The following TAF15 variants were observed in gnomAD, a reference collection of about 807,000 sequenced individuals.
TAF15 encodes TATA-binding protein-associated factor 2N.
Under a neutral mutation model 102.5 loss-of-function variants are expected in TAF15, and 37 were observed. That is an observed-to-expected ratio of 0.36 (90% CI 0.28 to 0.47). TAF15 has a LOEUF of 0.47. TAF15 is among the 20% of genes least tolerant of loss of function. The probability of loss-of-function intolerance (pLI) is 0.99; values close to 1 mark genes in which losing one functional copy is unlikely to be tolerated. For synonymous variants in TAF15, 273 were observed against 259.2 expected, an observed-to-expected ratio of 1.05 and a Z score of -0.51; for missense variants, 652 against 760.7, an observed-to-expected ratio of 0.86 and a Z score of 1.68.
chr17:35,822,570 G>C (rs1446371660), intron 5 of TAF15, 70 bp from the exon 6 acceptor site: 3 of 1,486,026 alleles, frequency 2.0e-6, no homozygotes, highest in East Asian at 4.8e-5. Flanking sequence ...CTTAACATCA[G>C]TTTCAGCCAA....
intron 15 of TAF15, 149 bp downstream of exon 15, chr17:35,845,187 A>T (rs2087609543): frequency 3.0e-6 from 3 of 1,008,034 alleles, no homozygotes; most frequent in Non-Finnish European, 4.4e-6. Context: ...CCTGCTTAGC[A>T]ATTTCTAAAA....
At chr17:35,819,424 A>G (rs2087233454) in intron 2 of TAF15, among the ~76,000 whole-genome samples, 3 of 152,172 alleles carry the variant, frequency 2.0e-5, no homozygotes. Flanking sequence ...ACAAATATTT[A>G]TTGAGCTATG....
chr17:35,835,998 G>A lies in TAF15; in HGVS notation c.674-134G>A, dbSNP rs2087469817. The A allele has an allele frequency of 4.6e-6, 3 of 653,634 alleles. No individual in the cohort carries two copies. The East Asian group carries it at 8.2e-5, about 18-fold the overall frequency. 40.5% of individuals were successfully genotyped at this position (653,634 alleles called of 1,614,324 possible). A position where few individuals can be genotyped will look rare whatever the true frequency, so the allele number is the denominator to read the frequency against. On this transcript the variant is annotated intron_variant, in intron 9 of 15. Coordinates refer to ENST00000605844, the MANE Select transcript of TAF15 (RefSeq NM_139215.3). The stretch of plus-strand genomic sequence containing the variant: ...ATACTTTGCATGTTTATATAAGGTT[G>A]TTCTTATATTGGTCCTTTCCTTTTG...
chr17:35,846,003 C>T (rs2087619406), intron 15 of TAF15, among the ~76,000 whole-genome samples: 1 of 152,134 alleles, frequency 6.6e-6, no homozygotes, highest in Non-Finnish European at 1.5e-5. Flanking sequence ...ATACTGATAA[C>T]TTTTCCAGAT....
chr17:35,836,481 A>T (rs2087476573), intron 10 of TAF15, among the ~76,000 whole-genome samples: 1 of 152,236 alleles, frequency 6.6e-6, no homozygotes. Flanking sequence ...AGGACTCTAA[A>T]ATTAGTCTCT....
chr17:35,814,041 G>A (rs1342658536), intron 1 of TAF15, among the ~76,000 whole-genome samples: 1 of 151,748 alleles, frequency 6.6e-6, no homozygotes, highest in Non-Finnish European at 1.5e-5. Flanking sequence ...AGCGGGGACT[G>A]ACAACAGGTG....
intron 1 of TAF15, 110 bp downstream of exon 1, chr17:35,809,686 A>G (rs2087101295): frequency 1.1e-5 from 17 of 1,503,602 alleles, no homozygotes; most frequent in Non-Finnish European, 1.6e-5. Flanking sequence ...GCCCTGAGGG[A>G]GGCTTGGGGT....
intron 11 of TAF15, among the ~76,000 whole-genome samples, chr17:35,839,113 A>AT (rs1456418157): frequency 1.1e-3 from 159 of 148,392 alleles, no homozygotes; most frequent in African/African-American, 3.6e-3. Flanking sequence ...ACAAAAAAAA[A>AT]ATTTTTTTTT....
At chr17:35,842,613 A>C (rs138681706) in intron 12 of TAF15, among the ~76,000 whole-genome samples, 154 bp downstream of exon 12, 18 of 152,292 alleles carry the variant, frequency 1.2e-4, no homozygotes, top group African/African-American at 4.1e-4. Flanking sequence ...TGAATATATT[A>C]GGTAAATGAG....
At chr17:35,821,780 TA>T (rs955169918) in intron 5 of TAF15, among the ~76,000 whole-genome samples, 4 of 151,996 alleles carry the variant, frequency 2.6e-5, no homozygotes, top group African/African-American at 7.2e-5. Flanking sequence ...TTTTTTCAGA[TA>T]AAAAAAATTG....
intron 2 of TAF15, 77 bp from the exon 3 acceptor site, chr17:35,819,947 A>G: frequency 7.6e-7 from 1 of 1,318,726 alleles, no homozygotes; most frequent in Non-Finnish European, 1.1e-6. Flanking sequence ...TTGAAAGTTG[A>G]AAATGAAGGC....
intron 10 of TAF15, among the ~76,000 whole-genome samples, chr17:35,837,330 T>A (rs566140528): frequency 6.6e-6 from 1 of 151,704 alleles, no homozygotes; most frequent in Admixed American, 6.6e-5. Flanking sequence ...TAAAAATTTT[T>A]TTTTTTAGAG....
intron 7 of TAF15, among the ~76,000 whole-genome samples, chr17:35,828,509 G>T (rs1005531324): frequency 6.6e-6 from 1 of 152,178 alleles, no homozygotes; most frequent in African/African-American, 2.4e-5. Flanking sequence ...TGAGGCAAGA[G>T]GATTGCTTGA....
chr17:35,827,476 G>A (rs996640129), intron 7 of TAF15, among the ~76,000 whole-genome samples: 5 of 152,124 alleles, frequency 3.3e-5, no homozygotes, highest in South Asian at 2.1e-4. Context: ...AGGGCACAGC[G>A]GGTGGATCAC....
At chr17:35,839,207 G>A (rs1016044626) in intron 11 of TAF15, among the ~76,000 whole-genome samples, 31 of 150,506 alleles carry the variant, frequency 2.1e-4, no homozygotes, top group Admixed American at 5.9e-4. Context: ...CTTGGGCCCA[G>A]GAAGTCGTGG....
chr17:35,818,842 A>C (rs1265920899), intron 2 of TAF15: 3 of 152,130 alleles, frequency 2.0e-5, no homozygotes, highest in African/African-American at 7.2e-5. Flanking sequence ...TAAGCAATTG[A>C]ACTCAACAGT....
intron 12 of TAF15, among the ~76,000 whole-genome samples, chr17:35,842,927 C>T (rs1276375079): frequency 6.6e-6 from 1 of 150,758 alleles, no homozygotes; most frequent in African/African-American, 2.4e-5. Flanking sequence ...GAGATGATTT[C>T]ACTATGTTGG....
At chr17:35,829,655 A>AAAAAG (rs1555617626) in intron 7 of TAF15, among the ~76,000 whole-genome samples, 156 of 135,534 alleles carry the variant, frequency 1.2e-3, no homozygotes, top group African/African-American at 4.4e-3. Context: ...AAAAAAAAAA[A>AAAAAG]AGAGAGAGAG....
chr17:35,829,581 G>A (rs1351601709), intron 7 of TAF15, among the ~76,000 whole-genome samples: 3 of 135,254 alleles, frequency 2.2e-5, no homozygotes, highest in Non-Finnish European at 4.6e-5. Context: ...GCAGTGAGCC[G>A]AGATCGTGCC....
Sources: gnomAD v4.1 joint callset for allele counts (sites outside exome capture counted in the v4.1 genomes callset) on GRCh38, gnomAD v4.1.1 for gene constraint, MANE v1.5 for transcripts, NCBI Gene and HGNC (gene_info 2026-07-23, HGNC 2026-07-21) for gene names.